The following RORB variants were observed in gnomAD, a reference collection of about 807,000 sequenced individuals.
RORB encodes the protein nuclear receptor ROR-beta.
A neutral mutation model predicts 59.1 loss-of-function variants in RORB; 6 were observed. The ratio of observed to expected loss-of-function variants is 0.10; its 90% CI spans 0.06 to 0.20. RORB has a LOEUF of 0.20. RORB is among the 10% of genes least tolerant of loss of function. The probability of loss-of-function intolerance (pLI) is 1.00; values close to 1 mark genes in which losing one functional copy is unlikely to be tolerated. For missense variants in RORB, 320 were observed against 560.5 expected, an observed-to-expected ratio of 0.57 and a Z score of 4.33; for synonymous variants, 215 against 204.5, an observed-to-expected ratio of 1.05 and a Z score of -0.44.
chr9:74,680,223 C>G (rs1824525194), intron 9 of RORB, among the ~76,000 whole-genome samples: 1 of 152,140 alleles, frequency 6.6e-6, no homozygotes, highest in South Asian at 2.1e-4. Context: ...TCATAGAACT[C>G]AAGGTTAAAA....
At position 74,688,070 on chromosome 9, in the gene RORB, C is replaced by T. The variant is rs1166557048; in HGVS notation, c.*2452C>T. 1 of 152,150 alleles carries T rather than the reference C, an allele frequency of 6.6e-6. No individual in the cohort carries two copies. Among genetic ancestry groups the T allele is most frequent in the Non-Finnish European group, 1.5e-5 (1 of 68,026 alleles). The allele number at this position is 152,150 out of a possible 1,614,324, so 9.4% of individuals were successfully genotyped here. On this transcript the variant is annotated 3_prime_UTR_variant, in exon 10 of 10. Coordinates refer to ENST00000376896, the MANE Select transcript of RORB (RefSeq NM_006914.4). ...GCTCAGAATTTTTTCCTCCCTTTTC[C>T]CATGGGTGATATAGGAAAAAGATTG...
chr9:74,547,638 G>A (rs920178268), intron 1 of RORB, among the ~76,000 whole-genome samples: 1 of 152,116 alleles, frequency 6.6e-6, no homozygotes, highest in Non-Finnish European at 1.5e-5. Context: ...CCAAGCAAGA[G>A]GAATAGCCTG....
chr9:74,592,415 T>C (rs887892371), intron 1 of RORB, among the ~76,000 whole-genome samples: 13 of 152,210 alleles, frequency 8.5e-5, no homozygotes, highest in African/African-American at 3.1e-4. Context: ...CTTTGGAATA[T>C]CGCCATGGCG....
chr9:74,534,522 C>G (rs903942611), intron 1 of RORB, among the ~76,000 whole-genome samples: 19 of 151,936 alleles, frequency 1.3e-4, no homozygotes, highest in African/African-American at 4.6e-4. Context: ...GGTCATTTGA[C>G]CATATTTTGC....
At chr9:74,665,642 T>C (rs769435677) in intron 7 of RORB, 47 bp downstream of exon 7, 2 of 1,166,378 alleles carry the variant, frequency 1.7e-6, no homozygotes, top group Non-Finnish European at 2.6e-6. Flanking sequence ...CCACCATCAG[T>C]TTCTCCACTT....
chr9:74,638,454 G>T (rs1487835312), intron 3 of RORB, among the ~76,000 whole-genome samples: 1 of 152,168 alleles, frequency 6.6e-6, no homozygotes, highest in Non-Finnish European at 1.5e-5. Context: ...ATAAGCACTT[G>T]CAATGTATAC....
chr9:74,665,104 A>G (rs1270826985), intron 6 of RORB, among the ~76,000 whole-genome samples: 1 of 152,212 alleles, frequency 6.6e-6, no homozygotes, highest in Non-Finnish European at 1.5e-5. Context: ...TAGCTTTAAT[A>G]TTAGTGGAAA....
chr9:74,552,650 T>C (rs1185578165), intron 1 of RORB, among the ~76,000 whole-genome samples: 1 of 152,100 alleles, frequency 6.6e-6, no homozygotes, highest in Non-Finnish European at 1.5e-5. Context: ...AATGATATCA[T>C]GTTTATAATA....
intron 1 of RORB, among the ~76,000 whole-genome samples, chr9:74,516,272 A>G (rs1826009238): frequency 6.6e-6 from 1 of 152,096 alleles, no homozygotes; most frequent in African/African-American, 2.4e-5. Context: ...TAAGTGGCTT[A>G]ACATTGTTCT....
At chr9:74,661,684 A>G (rs1824186130) in intron 5 of RORB, among the ~76,000 whole-genome samples, 1 of 114,764 alleles carries the variant, frequency 8.7e-6, no homozygotes, top group Non-Finnish European at 1.6e-5. Context: ...TCACTCTGTC[A>G]CCCATGCTGG....
chr9:74,506,840 A>G (rs1049276778), intron 1 of RORB, among the ~76,000 whole-genome samples: 2 of 152,132 alleles, frequency 1.3e-5, no homozygotes, highest in African/African-American at 4.8e-5. Context: ...TAACTACAAT[A>G]TATTAGACCA....
At chr9:74,534,877 A>T (rs1013713580) in intron 1 of RORB, among the ~76,000 whole-genome samples, 1 of 152,062 alleles carries the variant, frequency 6.6e-6, no homozygotes, top group East Asian at 1.9e-4. Flanking sequence ...CAGACTCACA[A>T]TTGGATTTGG....
chr9:74,546,712 TGTC>T (rs1199369997), intron 1 of RORB, among the ~76,000 whole-genome samples: 4 of 152,228 alleles, frequency 2.6e-5, no homozygotes, highest in African/African-American at 9.7e-5. Context: ...TGATTGCTGT[TGTC>T]GTTTAATGCA....
At chr9:74,540,922 T>C (rs2118133222) in intron 1 of RORB, among the ~76,000 whole-genome samples, 1 of 152,290 alleles carries the variant, frequency 6.6e-6, no homozygotes, top group East Asian at 1.9e-4. Context: ...TTGCTCCCTG[T>C]AGTGTTTGTA....
At chr9:74,631,725 A>C (rs146855300) in intron 2 of RORB, among the ~76,000 whole-genome samples, 1,635 of 152,326 alleles carry the variant, frequency 0.011, 24 homozygotes, top group African/African-American at 0.037. Flanking sequence ...GATTAGTGAT[A>C]ATCTATTTGT....
At chr9:74,580,726 C>A (rs1203720141) in intron 1 of RORB, among the ~76,000 whole-genome samples, 2 of 151,940 alleles carry the variant, frequency 1.3e-5, no homozygotes, top group African/African-American at 4.8e-5. Flanking sequence ...AGAAATCAGC[C>A]CAAACAGGTG....
At chr9:74,652,378 A>C (rs921935020) in intron 4 of RORB, among the ~76,000 whole-genome samples, 2 of 152,202 alleles carry the variant, frequency 1.3e-5, no homozygotes, top group African/African-American at 4.8e-5. Flanking sequence ...ACTGCACTCC[A>C]GCTGGGCGAC....
rs146700892 is a variant in RORB at position 74,631,088 on chromosome 9, G to A, written c.93+721G>A. ...CAGACAGATTCCACTCATCCTTCCC[G>A]TGGCAAACTAATTACTGTGAGCAAG... On this transcript the variant is annotated intron_variant, in intron 2 of 9. Transcript: ENST00000376896. 6.7e-3 allele frequency among the ~76,000 whole-genome samples: 1,024 copies of A among 152,256 alleles called. 9 individuals are homozygous for A. Among genetic ancestry groups the A allele is most frequent in the African/African-American group, 0.018 (747 of 41,542 alleles).
At chr9:74,666,465 A>G (rs1435624762) in intron 7 of RORB, among the ~76,000 whole-genome samples, 1 of 151,982 alleles carries the variant, frequency 6.6e-6, no homozygotes, top group African/African-American at 2.4e-5. Flanking sequence ...TGTTAAAAAA[A>G]AAAAAGGAAA....
Sources: allele counts gnomAD v4.1 joint callset (sites outside exome capture counted in the v4.1 genomes callset), GRCh38; gene constraint gnomAD v4.1.1; transcripts MANE v1.5; gene names NCBI Gene and HGNC (gene_info 2026-07-23, HGNC 2026-07-21).